Variants in TSPAN7 observed in about 807,000 individuals in gnomAD.
TSPAN7 encodes the protein tetraspanin 7.
A neutral mutation model predicts 17.6 loss-of-function variants in TSPAN7; 1 was observed. The observed-to-expected ratio is 0.06, with a 90% confidence interval of 0.02 to 0.27. TSPAN7 has a LOEUF of 0.27. Among genes scored for constraint, TSPAN7 ranks in the 10% least tolerant of loss-of-function variants. TSPAN7 has a pLI of 1.00. For synonymous variants in TSPAN7, 78 were observed against 79.0 expected (o/e 0.99, Z 0.07); for missense variants, 112 against 201.7 (o/e 0.56, Z 2.69).
chrX:38,653,376 C>T (rs1313499884), intron 1 of TSPAN7, among the ~76,000 whole-genome samples: 2 of 111,566 alleles, frequency 1.8e-5, no homozygotes, highest in Admixed American at 9.5e-5. Context: ...TTGGTTAGAG[C>T]TACTTTGAAA....
At chrX:38,578,000 A>G (rs746745409) in intron 1 of TSPAN7, among the ~76,000 whole-genome samples, 1 of 109,561 alleles carries the variant, frequency 9.1e-6, no homozygotes, top group South Asian at 4.1e-4. Flanking sequence ...GTGGCTTTTC[A>G]TAGTTGGGAT....
chrX:38,640,006 A>T (rs998048567), intron 1 of TSPAN7, among the ~76,000 whole-genome samples: 1 of 111,839 alleles, frequency 8.9e-6, no homozygotes, highest in Non-Finnish European at 1.9e-5. Context: ...TATATACCCA[A>T]GTAAAAATGG....
chrX:38,667,366 G>A (rs7892615), intron 2 of TSPAN7, among the ~76,000 whole-genome samples: 4,653 of 112,302 alleles, frequency 0.041, 231 homozygotes, highest in African/African-American at 0.14. Context: ...ATAAAAATTA[G>A]CAAGGACCTG....
At chrX:38,642,504 A>G (rs1157362049) in intron 1 of TSPAN7, among the ~76,000 whole-genome samples, 2 of 112,271 alleles carry the variant, frequency 1.8e-5, no homozygotes, top group Non-Finnish European at 3.8e-5. Context: ...ATAAATGGCT[A>G]TAAACAGTGG....
At chrX:38,650,501 G>C (rs777158545) in intron 1 of TSPAN7, among the ~76,000 whole-genome samples, 1 of 111,896 alleles carries the variant, frequency 8.9e-6, no homozygotes, top group Admixed American at 9.4e-5. Flanking sequence ...GTAAGAGCCA[G>C]GGGCTTTCCT....
At position 38,671,369 on chromosome X, in the gene TSPAN7, T is replaced by C. The variant is rs752838783; in HGVS notation, c.271-7T>C. On this transcript the variant is annotated splice_polypyrimidine_tract_variant and splice_region_variant and intron_variant, in intron 2 of 7. Transcript: ENST00000378482. ...TCTGACTTTGTCTTTGTGTGCTTAA[T>C]TTTCAGTATGCCATGTTTCTGTCCC... 8.3e-7 allele frequency: 1 copy of C among 1,211,145 alleles called. No homozygotes were observed. Among genetic ancestry groups the C allele is most frequent in the South Asian group, 1.8e-5 (1 of 56,993 alleles).
At chrX:38,655,642 A>G (rs1402223486) in intron 1 of TSPAN7, among the ~76,000 whole-genome samples, 2 of 111,203 alleles carry the variant, frequency 1.8e-5, no homozygotes, top group Admixed American at 1.9e-4. Flanking sequence ...TCCTCTTCTA[A>G]CATTATGTCT....
intron 1 of TSPAN7, chrX:38,623,014 G>T (rs781526440): frequency 3.0e-6 from 1 of 331,030 alleles, no homozygotes. Flanking sequence ...AAGTTCTATG[G>T]CTTTTCTACA....
intron 1 of TSPAN7, among the ~76,000 whole-genome samples, chrX:38,585,539 A>G (rs182411551): frequency 2.4e-4 from 27 of 111,930 alleles, no homozygotes; most frequent in East Asian, 5.5e-4. Flanking sequence ...GAATTTTTAT[A>G]TAATATGTAT....
chrX:38,674,415 C>T (rs963241553), intron 4 of TSPAN7, 99 bp downstream of exon 4: 64 of 720,326 alleles, frequency 8.9e-5, no homozygotes, highest in Non-Finnish European at 1.3e-4. Flanking sequence ...TATTTGTTCC[C>T]GTTCTTCAAC....
At chrX:38,618,822 G>T in intron 1 of TSPAN7, among the ~76,000 whole-genome samples, 1 of 111,471 alleles carries the variant, frequency 9.0e-6, no homozygotes, top group African/African-American at 3.3e-5. Context: ...GTTGGGAGTT[G>T]GTGGTCTCTC....
intron 2 of TSPAN7, among the ~76,000 whole-genome samples, chrX:38,669,532 C>T (rs983480121): frequency 8.9e-6 from 1 of 111,946 alleles, no homozygotes; most frequent in African/African-American, 3.3e-5. Context: ...TTAGTACAAG[C>T]TCGTCCCAAT....
intron 1 of TSPAN7, among the ~76,000 whole-genome samples, chrX:38,572,400 T>C (rs1442105766): frequency 8.9e-6 from 1 of 111,880 alleles, no homozygotes; most frequent in Non-Finnish European, 1.9e-5. Context: ...TCATTGATGA[T>C]TAGTCTGAGG....
At chrX:38,596,857 T>C (rs1187297114) in intron 1 of TSPAN7, among the ~76,000 whole-genome samples, 1 of 111,431 alleles carries the variant, frequency 9.0e-6, no homozygotes, top group East Asian at 2.8e-4. Context: ...TGCTGCTCAA[T>C]TTTTCAAAGC....
At chrX:38,590,294 G>C (rs942068226) in intron 1 of TSPAN7, among the ~76,000 whole-genome samples, 7 of 111,429 alleles carry the variant, frequency 6.3e-5, no homozygotes, top group African/African-American at 2.3e-4. Context: ...TGTAGAGATG[G>C]AGTCTCATTG....
intron 1 of TSPAN7, among the ~76,000 whole-genome samples, chrX:38,619,188 T>C (rs1165875471): frequency 9.0e-6 from 1 of 110,778 alleles, no homozygotes; most frequent in Non-Finnish European, 1.9e-5. Flanking sequence ...GCCTCCTGCT[T>C]GACTGGGAGG....
At chrX:38,651,149 A>G (rs990598547) in intron 1 of TSPAN7, among the ~76,000 whole-genome samples, 49 of 110,077 alleles carry the variant, frequency 4.5e-4, no homozygotes, top group Admixed American at 2.8e-3. Flanking sequence ...AGGTGTACCC[A>G]AAGTCTTAGA....
chrX:38,598,170 CA>C (rs770141951), intron 1 of TSPAN7, among the ~76,000 whole-genome samples: 3 of 111,491 alleles, frequency 2.7e-5, no homozygotes, highest in Non-Finnish European at 5.7e-5. Flanking sequence ...AGGTCCACAT[CA>C]CGTATTGCTT....
chrX:38,629,842 A>G (rs2069540141), intron 1 of TSPAN7, among the ~76,000 whole-genome samples: 1 of 112,221 alleles, frequency 8.9e-6, no homozygotes, highest in African/African-American at 3.2e-5. Context: ...TTCCTGTTCT[A>G]CAATGATAGA....
Sources: gnomAD v4.1 joint callset for allele counts (sites outside exome capture counted in the v4.1 genomes callset) on GRCh38, gnomAD v4.1.1 for gene constraint, MANE v1.5 for transcripts, NCBI Gene and HGNC (gene_info 2026-07-23, HGNC 2026-07-21) for gene names.